The following OXR1 variants were observed in gnomAD, a reference collection of about 807,000 sequenced individuals.
The protein encoded by OXR1 is oxidation resistance 1.
OXR1 carries 41 observed loss-of-function variants against 104.6 expected under a neutral mutation model. The observed-to-expected ratio is 0.39, with a 90% CI of 0.31 to 0.51. OXR1 has a LOEUF of 0.51. Ranked by LOEUF, OXR1 falls within the 20% of genes least tolerant of loss-of-function variation. The pLI is 0.77. For synonymous variants in OXR1, 348 were observed against 348.4 expected, an observed-to-expected ratio of 1.00 and a Z score of 0.01; for missense variants, 955 against 1,031.9, an observed-to-expected ratio of 0.93 and a Z score of 1.02.
rs1192537728 is a variant in OXR1, at chr8:106,347,744, A to G, written c.-138-11732A>G. On this transcript the variant is annotated intron_variant, in intron 1 of 16. Coordinates refer to ENST00000517566, the MANE Select transcript of OXR1 (RefSeq NM_001198533.2). ...AATTATATTTTATGTGACTATTACTATATCTGCTCTTTCATTGACTGTCAT... is the reference window on the plus strand; with the variant it reads ...AATTATATTTTATGTGACTATTACTGTATCTGCTCTTTCATTGACTGTCAT... Among the ~76,000 whole-genome samples, 8 of 152,160 alleles carry G rather than the reference A, an allele frequency of 5.3e-5. No individual in the cohort carries two copies. In the South Asian group the frequency reaches 1.0e-3, roughly 20 times the overall value.
intron 2 of OXR1, among the ~76,000 whole-genome samples, chr8:106,500,852 T>A (rs748884703): frequency 1.3e-5 from 2 of 152,196 alleles, no homozygotes; most frequent in Non-Finnish European, 2.9e-5. Flanking sequence ...TGGGGATAAA[T>A]CAGTGAACAA....
At chr8:106,368,443 TA>T (rs915549707) in intron 2 of OXR1, among the ~76,000 whole-genome samples, 4 of 152,034 alleles carry the variant, frequency 2.6e-5, no homozygotes, top group African/African-American at 4.8e-5. Context: ...TGTTTCTTCT[TA>T]AAAAAATGGG....
intron 2 of OXR1, among the ~76,000 whole-genome samples, chr8:106,376,350 G>A (rs1816905286): frequency 6.6e-6 from 1 of 151,934 alleles, no homozygotes; most frequent in Non-Finnish European, 1.5e-5. Context: ...TCTCATCATC[G>A]TAAATTATTA....
At chr8:106,612,587 C>CAGAT (rs1194963943) in intron 3 of OXR1, among the ~76,000 whole-genome samples, 1 of 151,918 alleles carries the variant, frequency 6.6e-6, no homozygotes, top group African/African-American at 2.4e-5. Flanking sequence ...TTTTCTAAGT[C>CAGAT]AGATAGTTAA....
chr8:106,308,556 T>C (rs966526393), intron 1 of OXR1, among the ~76,000 whole-genome samples: 5 of 152,166 alleles, frequency 3.3e-5, no homozygotes, highest in African/African-American at 1.2e-4. Context: ...GCCCAAGAAT[T>C]CCTTGCCTTC....
chr8:106,452,902 T>TTTTTTTTTTTTTTTTTTG (rs1820400605), intron 2 of OXR1, among the ~76,000 whole-genome samples: 1 of 151,774 alleles, frequency 6.6e-6, no homozygotes, highest in African/African-American at 2.4e-5. Flanking sequence ...TATCTTTTAA[T>TTTTTTTTTTTTTTTTTTG]AGATGTAAGG....
chr8:106,639,228 A>C (rs1304937712), intron 3 of OXR1, among the ~76,000 whole-genome samples: 2 of 152,160 alleles, frequency 1.3e-5, no homozygotes, highest in Non-Finnish European at 2.9e-5. Flanking sequence ...GGTTCATTTT[A>C]AATTTCAGTC....
intron 3 of OXR1, among the ~76,000 whole-genome samples, chr8:106,544,873 G>A (rs997773843): frequency 1.3e-5 from 2 of 151,956 alleles, no homozygotes; most frequent in South Asian, 2.1e-4. Flanking sequence ...TTCGCCATCC[G>A]GATTTGGATT....
chr8:106,330,302 C>T (rs774514107), intron 1 of OXR1, among the ~76,000 whole-genome samples: 3 of 152,152 alleles, frequency 2.0e-5, no homozygotes, highest in Non-Finnish European at 2.9e-5. Context: ...AGTTCAGCTT[C>T]ATGGTGGGGT....
chr8:106,386,214 G>A (rs970113088), intron 2 of OXR1, among the ~76,000 whole-genome samples: 17 of 152,276 alleles, frequency 1.1e-4, no homozygotes, highest in Admixed American at 2.0e-4. Context: ...GATCCCTAGT[G>A]GATGCAGAGG....
chr8:106,446,703 G>A (rs1281138065), intron 2 of OXR1, among the ~76,000 whole-genome samples: 1 of 151,970 alleles, frequency 6.6e-6, no homozygotes, highest in Non-Finnish European at 1.5e-5. Flanking sequence ...GGTTGAGGTG[G>A]GAGGATTGCT....
chr8:106,598,866 C>T (rs1299098882), intron 3 of OXR1, among the ~76,000 whole-genome samples: 3 of 152,040 alleles, frequency 2.0e-5, no homozygotes, highest in African/African-American at 7.2e-5. Flanking sequence ...TAAAATAAAA[C>T]AAGAGGAGGC....
chr8:106,728,747 T>G (rs142697683), intron 11 of OXR1, among the ~76,000 whole-genome samples: 1 of 152,322 alleles, frequency 6.6e-6, no homozygotes, highest in Non-Finnish European at 1.5e-5. Flanking sequence ...ACCTTGTTAG[T>G]GTCTGTCAAT....
At chr8:106,357,482 G>C (rs962112549) in intron 1 of OXR1, among the ~76,000 whole-genome samples, 3 of 152,104 alleles carry the variant, frequency 2.0e-5, no homozygotes, top group Admixed American at 6.6e-5. Context: ...CTGGCAGTCA[G>C]GGTCCAGCTA....
intron 1 of OXR1, among the ~76,000 whole-genome samples, chr8:106,341,692 G>A (rs1452328006): frequency 6.6e-6 from 1 of 151,786 alleles, no homozygotes; most frequent in African/African-American, 2.4e-5. Context: ...CACCTCTAAG[G>A]GAACTGGAGG....
intron 1 of OXR1, among the ~76,000 whole-genome samples, chr8:106,308,769 T>A (rs755798397): frequency 2.0e-5 from 3 of 152,090 alleles, no homozygotes; most frequent in Non-Finnish European, 4.4e-5. Flanking sequence ...GTACTAGAGA[T>A]CTACACAAAA....
intron 1 of OXR1, among the ~76,000 whole-genome samples, chr8:106,297,045 T>A (rs2938301): frequency 6.6e-6 from 1 of 151,866 alleles, no homozygotes; most frequent in African/African-American, 2.4e-5. Flanking sequence ...CCTGAAACTG[T>A]ATGTGTTTCA....
intron 2 of OXR1, among the ~76,000 whole-genome samples, chr8:106,372,700 T>A (rs955042305): frequency 1.3e-5 from 2 of 152,164 alleles, no homozygotes; most frequent in Non-Finnish European, 2.9e-5. Context: ...ATATGAAACA[T>A]AAGTGAATTT....
Position 106,745,946 on chromosome 8 carries a change from A to G in OXR1, c.2486+84A>G, listed in dbSNP as rs1364324852. ...ATTATTTATAAATTCAGTTGTCTTT[A>G]GAAAGTGTTGACGTTAGAATTCAAA... On this transcript the variant is annotated intron_variant, in intron 16 of 16. Transcript: ENST00000517566. The G allele has an allele frequency of 6.9e-5, 53 of 768,912 alleles. No homozygotes were observed. In the Middle Eastern group the frequency reaches 9.0e-4, roughly 13 times the overall value. 47.6% of individuals were successfully genotyped at this position (768,912 alleles called of 1,614,324 possible).
Sources: allele counts gnomAD v4.1 joint callset (sites outside exome capture counted in the v4.1 genomes callset), GRCh38; gene constraint gnomAD v4.1.1; transcripts MANE v1.5; gene names NCBI Gene and HGNC (gene_info 2026-07-23, HGNC 2026-07-21).